NRXN1: variants seen among roughly 807,000 people sequenced by gnomAD.
NRXN1 encodes neurexin 1.
In NRXN1, 39 loss-of-function variants were observed where a neutral mutation model predicts 150.9. The ratio of observed to expected loss-of-function variants is 0.26; its 90% confidence interval spans 0.20 to 0.34. The LOEUF (loss-of-function observed/expected upper bound fraction) is 0.34, where lower values mean the gene tolerates loss of function less well. Among genes scored for constraint, NRXN1 ranks in the 10% least tolerant of loss-of-function variants. The probability of loss-of-function intolerance (pLI) is 1.00; values close to 1 mark genes in which losing one functional copy is unlikely to be tolerated. For synonymous variants in NRXN1, 924 were observed against 757.0 expected, an observed-to-expected ratio of 1.22 and a Z score of -3.62; for missense variants, 1,815 against 1,949.9, an observed-to-expected ratio of 0.93 and a Z score of 1.30.
chr2:50,760,380 T>C (rs1701668162), intron 5 of NRXN1, among the ~76,000 whole-genome samples: 2 of 151,876 alleles, frequency 1.3e-5, no homozygotes, highest in South Asian at 2.1e-4. Flanking sequence ...CAGGCTCCTC[T>C]CTTCTCTAGG....
At chr2:50,634,263 A>C (rs1193011089) in intron 5 of NRXN1, among the ~76,000 whole-genome samples, 1 of 152,216 alleles carries the variant, frequency 6.6e-6, no homozygotes, top group African/African-American at 2.4e-5. Context: ...TAGGCATGGA[A>C]GTGACAGCAG....
intron 17 of NRXN1, 171 bp downstream of exon 17, chr2:50,465,271 T>TG: frequency 2.0e-6 from 1 of 492,854 alleles, no homozygotes; most frequent in Non-Finnish European, 3.2e-6. Flanking sequence ...TTAGCCACTT[T>TG]AACAATTAGT....
chr2:50,650,293 G>C (rs1351261556), intron 5 of NRXN1, among the ~76,000 whole-genome samples: 4 of 152,032 alleles, frequency 2.6e-5, no homozygotes, highest in African/African-American at 9.7e-5. Context: ...CATGATTTCA[G>C]TCAGAGCAAG....
chr2:50,346,948 A>G lies in NRXN1; in HGVS notation c.3365-109978T>C. 2 of 1,369,272 alleles carry G rather than the reference A, an allele frequency of 1.5e-6. No individual in the cohort carries two copies. The highest frequency in any genetic ancestry group is 1.4e-5 in the South Asian group (1 of 69,522). 84.8% of individuals were successfully genotyped at this position (1,369,272 alleles called of 1,614,324 possible). On this transcript the variant is annotated intron_variant, in intron 17 of 22. Transcript: ENST00000401669. This position sits in a 1 kb window ranked among gnomAD's most constrained non-coding sequence, Gnocchi z 5.0. ...GCCGCACCGGAGCATCCTCTGGTAC[A>G]TGGCGGGGCGCCCGCCGAGGGGCAG...
intron 5 of NRXN1, among the ~76,000 whole-genome samples, chr2:50,721,645 G>A (rs2105126392): frequency 6.6e-6 from 1 of 152,240 alleles, no homozygotes; most frequent in Admixed American, 6.5e-5. Context: ...GGGGTTTTAA[G>A]TAAAGTGAAA....
chr2:50,866,656 G>C (rs968859738), intron 5 of NRXN1, among the ~76,000 whole-genome samples: 2 of 151,858 alleles, frequency 1.3e-5, no homozygotes, highest in Non-Finnish European at 2.9e-5. Context: ...GCCAGTGCTG[G>C]TCTGTACTGA....
intron 2 of NRXN1, among the ~76,000 whole-genome samples, chr2:50,945,751 G>A (rs1157119273): frequency 4.6e-5 from 7 of 151,168 alleles, no homozygotes; most frequent in African/African-American, 1.5e-4. Flanking sequence ...AACCTGACAA[G>A]TTTCTGAACT....
intron 15 of NRXN1, among the ~76,000 whole-genome samples, chr2:50,485,694 C>G (rs2090820252): frequency 6.6e-6 from 1 of 152,182 alleles, no homozygotes; most frequent in Non-Finnish European, 1.5e-5. Flanking sequence ...CAGGTCAGCC[C>G]ATGTGGTAAG....
intron 18 of NRXN1, among the ~76,000 whole-genome samples, chr2:50,197,427 T>G (rs1035798771): frequency 4.6e-5 from 7 of 152,158 alleles, no homozygotes; most frequent in African/African-American, 1.7e-4. Context: ...TGAAGCAACT[T>G]TCTGCTCGAA....
At chr2:50,740,791 A>G (rs1699334008) in intron 5 of NRXN1, among the ~76,000 whole-genome samples, 1 of 152,166 alleles carries the variant, frequency 6.6e-6, no homozygotes, top group Non-Finnish European at 1.5e-5. Context: ...GATGAGGCAA[A>G]AAGATGGAAT....
intron 1 of NRXN1, among the ~76,000 whole-genome samples, chr2:51,030,051 C>T (rs192058135): frequency 3.3e-5 from 5 of 152,114 alleles, no homozygotes; most frequent in Non-Finnish European, 7.3e-5. Flanking sequence ...TAAATCACTT[C>T]TCTTTATTCA....
chr2:50,299,010 G>C (rs1574985649), intron 17 of NRXN1, among the ~76,000 whole-genome samples: 1 of 152,248 alleles, frequency 6.6e-6, no homozygotes, highest in East Asian at 1.9e-4. Context: ...CATAATGCAG[G>C]AGAAAATGCC....
At chr2:50,835,252 T>C (rs546193225) in intron 5 of NRXN1, among the ~76,000 whole-genome samples, 2 of 152,204 alleles carry the variant, frequency 1.3e-5, no homozygotes, top group East Asian at 3.9e-4. Context: ...AAGTGAAAGA[T>C]GAAGTAATAT....
intron 18 of NRXN1, among the ~76,000 whole-genome samples, chr2:50,172,158 T>G: frequency 6.6e-6 from 1 of 152,188 alleles, no homozygotes; most frequent in East Asian, 1.9e-4. Context: ...TTCTGAAATA[T>G]TGCAAACTAA....
At chr2:50,769,605 C>T (rs779504323) in intron 5 of NRXN1, among the ~76,000 whole-genome samples, 2 of 151,960 alleles carry the variant, frequency 1.3e-5, no homozygotes, top group Non-Finnish European at 1.5e-5. Context: ...AACCAGTAAC[C>T]ACGGGACCCG....
At chr2:50,129,145 A>G (rs1305172887) in intron 18 of NRXN1, among the ~76,000 whole-genome samples, 3 of 152,164 alleles carry the variant, frequency 2.0e-5, no homozygotes, top group Non-Finnish European at 2.9e-5. Context: ...CAAACAAACA[A>G]GAGAAATTAT....
At chr2:49,963,038 C>T (rs540823241) in intron 21 of NRXN1, among the ~76,000 whole-genome samples, 2 of 152,176 alleles carry the variant, frequency 1.3e-5, no homozygotes, top group African/African-American at 2.4e-5. Flanking sequence ...GGAAATATCA[C>T]GGATTCACTA....
At chr2:50,327,517 AC>A (rs2076463150) in intron 17 of NRXN1, among the ~76,000 whole-genome samples, 1 of 17,154 alleles carries the variant, frequency 5.8e-5, no homozygotes, top group Non-Finnish European at 1.0e-4. Flanking sequence ...AAAAACTTGC[AC>A]AATTGTATTG....
intron 22 of NRXN1, among the ~76,000 whole-genome samples, chr2:49,929,721 GA>G (rs905520469): frequency 2.0e-5 from 3 of 151,996 alleles, no homozygotes; most frequent in African/African-American, 7.2e-5. Context: ...CATCTTTTAT[GA>G]TTTTTTTTCT....
Sources: allele counts gnomAD v4.1 joint callset (sites outside exome capture counted in the v4.1 genomes callset), GRCh38; gene constraint gnomAD v4.1.1; non-coding constraint Gnocchi (gnomAD v3.1); transcripts MANE v1.5; gene names NCBI Gene and HGNC (gene_info 2026-07-23, HGNC 2026-07-21).